The following SFXN3 variants were observed in gnomAD, a reference collection of about 807,000 sequenced individuals.
SFXN3 encodes the protein sideroflexin-3.
Under a neutral mutation model 40.4 loss-of-function variants are expected in SFXN3, and 31 were observed. That is an observed-to-expected ratio of 0.77 (90% confidence interval 0.58 to 1.04). The LOEUF (loss-of-function observed/expected upper bound fraction) is 1.04. Ranked by LOEUF, SFXN3 falls within the 50% of genes least tolerant of loss-of-function variation. The pLI is 0.00. For missense variants in SFXN3, 366 were observed against 408.2 expected, an observed-to-expected ratio of 0.90 and a Z score of 0.89; for synonymous variants, 157 against 160.0, an observed-to-expected ratio of 0.98 and a Z score of 0.14.
chr10:101,035,840 G>T, intron 4 of SFXN3, 163 bp from the exon 5 acceptor site: 1 of 1,119,030 alleles, frequency 8.9e-7, no homozygotes, highest in Admixed American at 2.1e-5. Context: ...AGGTGTGTTT[G>T]TATAAATGGG....
intron 2 of SFXN3, among the ~76,000 whole-genome samples, chr10:101,033,657 G>A (rs779848151): frequency 3.3e-5 from 5 of 152,272 alleles, no homozygotes; most frequent in East Asian, 3.9e-4. Context: ...GGGGACCGGC[G>A]TTCAGCATAC....
At chr10:101,037,785 C>G in intron 9 of SFXN3, 3 of 1,184,748 alleles carry the variant, frequency 2.5e-6, no homozygotes, top group South Asian at 4.7e-5. Flanking sequence ...CACGCACACA[C>G]AGACATGAAC....
Position 101,039,368 on chromosome 10 carries a change from A to T in SFXN3, c.870-121A>T. 1 of 1,197,866 alleles carries T rather than the reference A, an allele frequency of 8.3e-7. No homozygotes were observed. Among genetic ancestry groups the T allele is most frequent in the Non-Finnish European group, 1.2e-6 (1 of 809,274 alleles). 74.2% of individuals were successfully genotyped at this position (1,197,866 alleles called of 1,614,324 possible). A position where few individuals can be genotyped will look rare whatever the true frequency, so the allele number is the denominator to read the frequency against. On this transcript the variant is annotated intron_variant, in intron 11 of 11. Transcript: ENST00000393459. The surrounding 1 kb of genome is among the most constrained non-coding windows in gnomAD (Gnocchi z 4.6). ...GGGAGTGGGGGAATGACAGTGAGCC[A>T]GTCCTTCTGGCAGTAGAAGGAGAGG...
At position 101,039,819 on chromosome 10, in the gene SFXN3, C is replaced by A. The variant is rs775483337; in HGVS notation, c.*234C>A. On this transcript the variant is annotated 3_prime_UTR_variant, in exon 12 of 12. Coordinates refer to ENST00000393459, the Ensembl canonical transcript of SFXN3. The surrounding 1 kb of genome is among the most constrained non-coding windows in gnomAD (Gnocchi z 4.6). ...CCCCTCCTGTGCTTGAGTGTCCATG[C>A]ATATACATACATGATACACATGTGT... The A allele has an allele frequency of 1.8e-6, 1 of 570,256 alleles. No individual in the cohort carries two copies. Among genetic ancestry groups the A allele is most frequent in the Admixed American group, 3.0e-5 (1 of 33,164 alleles). 35.3% of individuals were successfully genotyped at this position (570,256 alleles called of 1,614,324 possible).
chr10:101,035,556 A>G (rs748027890), exon 4 of SFXN3: 2 of 1,613,804 alleles, frequency 1.2e-6, no homozygotes, highest in African/African-American at 1.3e-5. Flanking sequence ...AAGTATGTGT[A>G]TGACTCCGCC....
At position 101,039,753 on chromosome 10, in the gene SFXN3, CT is replaced by C. The variant is rs1311767969; in HGVS notation, c.*172del. On this transcript the variant is annotated 3_prime_UTR_variant, in exon 12 of 12. Transcript: ENST00000393459. The surrounding 1 kb of genome is among the most constrained non-coding windows in gnomAD (Gnocchi z 4.6). Reference sequence around the variant, plus strand: ...GGGTGGGGGAGGGACCTCCATAAGGCTTTTCCTCCCTTCTCTGGTTTCAAAG... The same window carrying C: ...GGGTGGGGGAGGGACCTCCATAAGGCTTTCCTCCCTTCTCTGGTTTCAAAG... 2.1e-5 allele frequency: 13 copies of C among 626,696 alleles called. No homozygotes were observed. The highest frequency in any genetic ancestry group is 2.8e-5 in the Non-Finnish European group (10 of 352,226). The allele number at this position is 626,696 out of a possible 1,614,324, so 38.8% of individuals were successfully genotyped here. A position where few individuals can be genotyped will look rare whatever the true frequency, so the allele number is the denominator to read the frequency against.
At chr10:101,032,759 G>A (rs190321815) in intron 2 of SFXN3, among the ~76,000 whole-genome samples, 1 of 152,330 alleles carries the variant, frequency 6.6e-6, no homozygotes, top group East Asian at 1.9e-4. Flanking sequence ...GTCTGGGCAG[G>A]GTGTGCATGA....
At chr10:101,038,538 A>G in intron 9 of SFXN3, 105 bp from the exon 10 acceptor site, 1 of 1,603,322 alleles carries the variant, frequency 6.2e-7, no homozygotes, top group Non-Finnish European at 8.5e-7. Flanking sequence ...CACAGGTCTA[A>G]GGGCTCCAAG....
exon 4 of SFXN3, chr10:101,035,527 G>A: frequency 1.2e-6 from 2 of 1,611,844 alleles, no homozygotes; most frequent in Non-Finnish European, 8.5e-7. Context: ...GGATCACCGA[G>A]GACCAGCTGT....
At position 101,036,153 on chromosome 10, in the gene SFXN3, C is replaced by T. The variant is rs1938591253; in HGVS notation, c.431+52C>T. The T allele has an allele frequency of 1.4e-6, 2 of 1,453,788 alleles. No individual in the cohort carries two copies. Among genetic ancestry groups the T allele is most frequent in the African/African-American group, 2.8e-5 (2 of 71,412 alleles). 90.1% of individuals were successfully genotyped at this position (1,453,788 alleles called of 1,614,324 possible). A position where few individuals can be genotyped will look rare whatever the true frequency, so the allele number is the denominator to read the frequency against. ...GCACTGTCCCATCTGACCCTCTCCT[C>T]CCAGCCTGCAGTGCCCTCTCCTTTC... On this transcript the variant is annotated intron_variant, in intron 5 of 11. Transcript: ENST00000393459. The surrounding 1 kb of genome is among the most constrained non-coding windows in gnomAD (Gnocchi z 4.2).
chr10:101,035,857 G>A (rs535770118), intron 4 of SFXN3, 146 bp from the exon 5 acceptor site: 1 of 1,070,160 alleles, frequency 9.3e-7, no homozygotes, highest in East Asian at 2.5e-5. Flanking sequence ...TGGGGGTGGG[G>A]GTACATAGGG....
rs972765731 is a variant in SFXN3 at position 101,037,513 on chromosome 10, C to T, written c.771+82C>T. The T allele has an allele frequency of 5.2e-5, 84 of 1,612,676 alleles. No homozygotes were observed. In the Middle Eastern group the frequency reaches 5.3e-4, roughly 10 times the overall value. On this transcript the variant is annotated intron_variant, in intron 9 of 11. Coordinates refer to ENST00000393459, the Ensembl canonical transcript of SFXN3. Reference sequence around the variant, plus strand: ...GGCCCCAACTCTCTCTCCAGCCTCGCCTGATTCTCTAAGACTTGCCAGCCC... The same window carrying T: ...GGCCCCAACTCTCTCTCCAGCCTCGTCTGATTCTCTAAGACTTGCCAGCCC...
In SFXN3 at chr10:101,035,478, T is replaced by C; in HGVS notation, c.162-19T>C. On this transcript the variant is annotated intron_variant, in intron 3 of 11. Coordinates refer to ENST00000393459, the Ensembl canonical transcript of SFXN3. Reference sequence around the variant, plus strand: ...CTGCCCCCTGGCATAGCCTGTCTGCTCCTTGCCAACTTCTGCAGGGCCGGC... The same window carrying C: ...CTGCCCCCTGGCATAGCCTGTCTGCCCCTTGCCAACTTCTGCAGGGCCGGC... 6.3e-7 allele frequency: 1 copy of C among 1,589,036 alleles called. No homozygotes were observed. Among genetic ancestry groups the C allele is most frequent in the South Asian group, 1.2e-5 (1 of 86,240 alleles).
exon 12 of SFXN3, chr10:101,040,376 A>C (rs556916306): frequency 6.6e-6 from 1 of 151,998 alleles, no homozygotes; most frequent in Non-Finnish European, 1.5e-5. Context: ...AAATCCTCCA[A>C]TCCCAACTCC....
At chr10:101,037,885 G>A (rs1014046846) in intron 9 of SFXN3, 1 of 1,035,112 alleles carries the variant, frequency 9.7e-7, no homozygotes, top group South Asian at 3.7e-5. Flanking sequence ...CACCAGGCAT[G>A]TTTTAGGGCT....
chr10:101,035,177 C>T (rs1438641721), intron 3 of SFXN3, among the ~76,000 whole-genome samples: 4 of 152,230 alleles, frequency 2.6e-5, no homozygotes, highest in Admixed American at 2.6e-4. Flanking sequence ...GGGAAATCCC[C>T]TTATCTTTGG....
At chr10:101,037,924 T>C (rs1268705241) in intron 9 of SFXN3, 5 of 881,648 alleles carry the variant, frequency 5.7e-6, no homozygotes, top group Non-Finnish European at 6.9e-6. Flanking sequence ...ACAATGGTTA[T>C]GGCCCCTGTC....
intron 4 of SFXN3, 72 bp from the exon 5 acceptor site, chr10:101,035,931 G>T (rs777915504): frequency 2.1e-6 from 3 of 1,405,378 alleles, no homozygotes; most frequent in Non-Finnish European, 3.0e-6. Flanking sequence ...AATAACCTTT[G>T]GTTTCATTAC....
rs1564649001 is a variant in SFXN3 at position 101,034,747 on chromosome 10, G to A, written c.53G>A (p.Ser18Asn). 1.9e-6 allele frequency: 3 copies of A among 1,614,142 alleles called. No homozygotes were observed. In the African/African-American group the frequency reaches 4.0e-5, roughly 22 times the overall value. Residue 18 changes from serine to asparagine, a missense_variant, in exon 3 of 12, where the codon AGT becomes AAT. Ser to Asn is a conservative substitution (Grantham distance 46). Coordinates refer to ENST00000393459, the Ensembl canonical transcript of SFXN3. ...ATCCAGGAACCTCGCTGGGACCAAAGTACTTTCCTGGGCAGAGCCCGGCAC... is the reference window on the plus strand; with the variant it reads ...ATCCAGGAACCTCGCTGGGACCAAAATACTTTCCTGGGCAGAGCCCGGCAC...
Sources: allele counts gnomAD v4.1 joint callset (sites outside exome capture counted in the v4.1 genomes callset), GRCh38; gene constraint gnomAD v4.1.1; non-coding constraint Gnocchi (gnomAD v3.1); transcripts MANE v1.5; gene names NCBI Gene and HGNC (gene_info 2026-07-23, HGNC 2026-07-21).